Variants in CHRM3 observed in about 807,000 individuals in gnomAD.
CHRM3 encodes cholinergic receptor muscarinic 3.
A neutral mutation model predicts 41.8 loss-of-function variants in CHRM3; 11 were observed. The ratio of observed to expected loss-of-function variants is 0.26; its 90% confidence interval spans 0.17 to 0.44. The LOEUF is 0.44. CHRM3 is among the 20% of genes least tolerant of loss of function. The probability of loss-of-function intolerance (pLI) is 1.00; values close to 1 mark genes in which losing one functional copy is unlikely to be tolerated. For missense variants in CHRM3, 571 were observed against 745.4 expected, an observed-to-expected ratio of 0.77 and a Z score of 2.72; for synonymous variants, 297 against 301.4, an observed-to-expected ratio of 0.99 and a Z score of 0.15.
At chr1:239,412,390 C>T in intron 1 of CHRM3, among the ~76,000 whole-genome samples, 1 of 140,748 alleles carries the variant, frequency 7.1e-6, no homozygotes, top group Admixed American at 7.4e-5. Context: ...CCAGTCAGCA[C>T]TGGTTCCTCC....
intron 5 of CHRM3, among the ~76,000 whole-genome samples, chr1:239,777,104 G>C (rs1668151991): frequency 6.6e-6 from 1 of 152,180 alleles, no homozygotes; most frequent in Admixed American, 6.5e-5. Flanking sequence ...GATTTTGACT[G>C]TCTGTTCTAT....
intron 6 of CHRM3, among the ~76,000 whole-genome samples, chr1:239,857,900 CTGTTA>C (rs971944154): frequency 1.2e-4 from 18 of 152,198 alleles, no homozygotes; most frequent in African/African-American, 3.9e-4. Context: ...ATCTTATGTT[CTGTTA>C]TAACATTATT....
chr1:239,841,815 C>G (rs1673823358), intron 6 of CHRM3, among the ~76,000 whole-genome samples: 1 of 152,160 alleles, frequency 6.6e-6, no homozygotes, highest in Non-Finnish European at 1.5e-5. Flanking sequence ...CAGGAAGTTG[C>G]CTCTATCTCT....
Position 239,748,952 on chromosome 1 carries a change from G to GT in CHRM3, c.-147+70665dup, listed in dbSNP as rs1380889101. Among the ~76,000 whole-genome samples, 6 of 152,156 alleles carry GT rather than the reference G, an allele frequency of 3.9e-5. No individual in the cohort carries two copies. The highest frequency in any genetic ancestry group is 1.3e-4 in the Admixed American group (2 of 15,284). On this transcript the variant is annotated intron_variant, in intron 5 of 6. Transcript: ENST00000676153. The surrounding 1 kb of genome is among the most constrained non-coding windows in gnomAD (Gnocchi z 4.3). The stretch of plus-strand genomic sequence containing the variant: ...TTCTTTGCAAATGGGTGCTGCGTGA[G>GT]TATCAGTACTGAAATGCTCAGGAAA...
intron 3 of CHRM3, among the ~76,000 whole-genome samples, chr1:239,589,627 T>A (rs2148628857): frequency 9.0e-6 from 1 of 111,642 alleles, no homozygotes; most frequent in South Asian, 3.2e-4. Context: ...TCCATGCATA[T>A]ATATAAAAAA....
At chr1:239,675,132 A>G (rs1282149972) in intron 4 of CHRM3, among the ~76,000 whole-genome samples, 2 of 152,176 alleles carry the variant, frequency 1.3e-5, no homozygotes, top group Non-Finnish European at 2.9e-5. Context: ...CAAGTGCTTA[A>G]TTAGATTGCA....
chr1:239,743,788 C>CTTTTTTTTTTTTTTTTTTTTT (rs10718514), intron 5 of CHRM3, among the ~76,000 whole-genome samples: 12 of 81,192 alleles, frequency 1.5e-4, no homozygotes, highest in Non-Finnish European at 1.8e-4. Context: ...TTTTTTTTTT[C>CTTTTTTTTTTTTTTTTTTTTT]TTTTTTTTTT....
In CHRM3 at chr1:239,545,686, G is replaced by A. The variant is rs1246306177; in HGVS notation, c.-376G>A. 6.6e-6 allele frequency: 1 copy of A among 152,100 alleles called. No individual in the cohort carries two copies. Among genetic ancestry groups the A allele is most frequent in the Non-Finnish European group, 1.5e-5 (1 of 68,002 alleles). The allele number at this position is 152,100 out of a possible 1,614,324, so 9.4% of individuals were successfully genotyped here. A position where few individuals can be genotyped will look rare whatever the true frequency, so the allele number is the denominator to read the frequency against. On this transcript the variant is annotated 5_prime_UTR_variant, in exon 3 of 7. Transcript: ENST00000676153. ...TATTTTGGTTATGAGTCACTCAGAGGACTGTGGATTGAATGAACTGTATCC... is the reference window on the plus strand; with the variant it reads ...TATTTTGGTTATGAGTCACTCAGAGAACTGTGGATTGAATGAACTGTATCC...
At chr1:239,854,997 T>C (rs933908139) in intron 6 of CHRM3, among the ~76,000 whole-genome samples, 1 of 152,186 alleles carries the variant, frequency 6.6e-6, no homozygotes, top group Non-Finnish European at 1.5e-5. Flanking sequence ...TTCATAAAGT[T>C]TGCAGTGATT....
rs568401239 is a variant in CHRM3, at chr1:239,796,343, C to CA, written c.-146-30907dup. Reference sequence around the variant, plus strand: ...AAAACAAAGATTTTTATCTGTAAATCAATGGGGACAGAAAAAAATCACAGC... The same window carrying CA: ...AAAACAAAGATTTTTATCTGTAAATCAAATGGGGACAGAAAAAAATCACAGC... On this transcript the variant is annotated intron_variant, in intron 5 of 6. Transcript: ENST00000676153. Among the ~76,000 whole-genome samples the CA allele has an allele frequency of 1.5e-4, 23 of 152,100 alleles. No individual in the cohort carries two copies. In the East Asian group the frequency reaches 4.4e-3, roughly 29 times the overall value.
chr1:239,752,715 T>C (rs12124903), intron 5 of CHRM3, among the ~76,000 whole-genome samples: 11,728 of 152,224 alleles, frequency 0.077, 596 homozygotes, highest in South Asian at 0.18. Context: ...CATTCAAACA[T>C]TTAAAAAACA....
At chr1:239,720,603 A>T (rs536484442) in intron 5 of CHRM3, among the ~76,000 whole-genome samples, 1 of 152,038 alleles carries the variant, frequency 6.6e-6, no homozygotes, top group African/African-American at 2.4e-5. Context: ...TAAGCCTTAA[A>T]GGGTTTTATC....
intron 2 of CHRM3, among the ~76,000 whole-genome samples, chr1:239,512,385 A>G (rs1668981341): frequency 6.6e-6 from 1 of 152,114 alleles, no homozygotes; most frequent in Non-Finnish European, 1.5e-5. Flanking sequence ...AGTTTATTTA[A>G]GGGATCTCCT....
intron 4 of CHRM3, among the ~76,000 whole-genome samples, chr1:239,675,871 G>A (rs1017862438): frequency 6.6e-6 from 1 of 151,810 alleles, no homozygotes; most frequent in African/African-American, 2.4e-5. Flanking sequence ...GGGAGGGAGG[G>A]AAAAGGAAGG....
intron 4 of CHRM3, among the ~76,000 whole-genome samples, chr1:239,638,823 C>A (rs1194066182): frequency 6.6e-6 from 1 of 152,120 alleles, no homozygotes. Context: ...GTGTTTTAGA[C>A]ATGAAGTCCT....
rs533940031 is a variant in CHRM3 at position 239,667,025 on chromosome 1, C to A, written c.-249-11161C>A. On this transcript the variant is annotated intron_variant, in intron 4 of 6. Coordinates refer to ENST00000676153, the MANE Select transcript of CHRM3 (RefSeq NM_001375978.1). The stretch of plus-strand genomic sequence containing the variant: ...TGTTCTTTTTTATGGCTGCGTGACA[C>A]TCTTTTCTTCTTAATCTGCATCTCT... Among the ~76,000 whole-genome samples the A allele has an allele frequency of 4.6e-5, 7 of 152,280 alleles. No homozygotes were observed. The South Asian group carries it at 1.5e-3, about 32-fold the overall frequency.
At chr1:239,899,178 T>C (rs1679268458) in intron 6 of CHRM3, among the ~76,000 whole-genome samples, 1 of 152,160 alleles carries the variant, frequency 6.6e-6, no homozygotes, top group Non-Finnish European at 1.5e-5. Context: ...TGTCATTATG[T>C]GGTATGCATT....
chr1:239,732,069 C>G (rs1391969666), intron 5 of CHRM3, among the ~76,000 whole-genome samples: 1 of 151,890 alleles, frequency 6.6e-6, no homozygotes, highest in Non-Finnish European at 1.5e-5. Context: ...CTATGGGACA[C>G]AGCTTGAGGG....
intron 1 of CHRM3, among the ~76,000 whole-genome samples, chr1:239,419,273 T>C (rs942542825): frequency 2.6e-5 from 4 of 152,148 alleles, no homozygotes; most frequent in Non-Finnish European, 5.9e-5. Flanking sequence ...TTTGACTTGA[T>C]CTGACTTTAG....
Sources: gnomAD v4.1 joint callset for allele counts (sites outside exome capture counted in the v4.1 genomes callset) on GRCh38, gnomAD v4.1.1 for gene constraint, Gnocchi (gnomAD v3.1) non-coding constraint, MANE v1.5 for transcripts, NCBI Gene and HGNC (gene_info 2026-07-23, HGNC 2026-07-21) for gene names.